Variants in DOCK1 observed in about 807,000 individuals in gnomAD.
DOCK1 encodes the protein dedicator of cytokinesis 1.
DOCK1 carries 138 observed loss-of-function variants against 262.7 expected under a neutral mutation model. That is an observed-to-expected ratio of 0.53 (90% CI 0.46 to 0.61). The LOEUF (loss-of-function observed/expected upper bound fraction) is 0.61, where lower values mean the gene tolerates loss of function less well. DOCK1 is among the 20% of genes least tolerant of loss of function. The probability of loss-of-function intolerance (pLI) is 0.00; values close to 1 mark genes in which losing one functional copy is unlikely to be tolerated. For missense variants in DOCK1, 1,908 were observed against 2,370.7 expected (o/e 0.80, Z 4.05); for synonymous variants, 866 against 867.4 (o/e 1.00, Z 0.03).
chr10:127,407,868 T>C (rs2067609737), intron 40 of DOCK1, among the ~76,000 whole-genome samples: 1 of 152,102 alleles, frequency 6.6e-6, no homozygotes, highest in African/African-American at 2.4e-5. Flanking sequence ...CTTGTACCCC[T>C]GTGGCTTCTG....
chr10:127,218,416 A>T (rs912583079), intron 27 of DOCK1, among the ~76,000 whole-genome samples: 1 of 152,152 alleles, frequency 6.6e-6, no homozygotes, highest in African/African-American at 2.4e-5. Flanking sequence ...CTTCAATGAC[A>T]ATAAGTTAAT....
intron 29 of DOCK1, among the ~76,000 whole-genome samples, chr10:127,323,966 G>C (rs1166396310): frequency 1.3e-4 from 20 of 152,256 alleles, no homozygotes; most frequent in Admixed American, 1.3e-3. Flanking sequence ...ATCCTCCTGG[G>C]AGAGCAGGCA....
At chr10:127,137,915 C>T (rs1375587188) in intron 27 of DOCK1, 5 of 1,614,040 alleles carry the variant, frequency 3.1e-6, no homozygotes, top group Non-Finnish European at 4.2e-6. Flanking sequence ...AGGAGTAAGT[C>T]TCCTGAGAGT....
intron 29 of DOCK1, among the ~76,000 whole-genome samples, chr10:127,315,634 G>A (rs60383612): frequency 0.027 from 4,127 of 152,232 alleles, 185 homozygotes; most frequent in African/African-American, 0.095. Flanking sequence ...CTAATACGGA[G>A]TCCTATTACC....
At chr10:126,954,262 G>A (rs1291253259) in intron 1 of DOCK1, among the ~76,000 whole-genome samples, 1 of 152,260 alleles carries the variant, frequency 6.6e-6, no homozygotes, top group African/African-American at 2.4e-5. Flanking sequence ...TGCCCTTGCA[G>A]ATGAGGCAGC....
intron 40 of DOCK1, among the ~76,000 whole-genome samples, 194 bp downstream of exon 40, chr10:127,404,623 A>G (rs1454881894): frequency 6.6e-6 from 1 of 152,180 alleles, no homozygotes; most frequent in African/African-American, 2.4e-5. Flanking sequence ...TAACCTTTCT[A>G]TCTGATTTTT....
chr10:127,098,490 C>T (rs1005553905), intron 23 of DOCK1, among the ~76,000 whole-genome samples: 2 of 152,148 alleles, frequency 1.3e-5, no homozygotes, highest in Non-Finnish European at 2.9e-5. Context: ...AGCAATGAGT[C>T]GAGCTTATCA....
At chr10:127,396,564 A>G (rs1238388410) in intron 38 of DOCK1, among the ~76,000 whole-genome samples, 1 of 151,732 alleles carries the variant, frequency 6.6e-6, no homozygotes. Flanking sequence ...TCTGGAGTCC[A>G]CTCCCTCACC....
At chr10:127,311,768 C>T (rs1227939284) in intron 29 of DOCK1, among the ~76,000 whole-genome samples, 3 of 152,198 alleles carry the variant, frequency 2.0e-5, no homozygotes, top group Non-Finnish European at 4.4e-5. Flanking sequence ...CCCCTCTTGC[C>T]TCATCCTCAG....
At chr10:126,975,423 C>T (rs978958757) in intron 2 of DOCK1, among the ~76,000 whole-genome samples, 1 of 152,124 alleles carries the variant, frequency 6.6e-6, no homozygotes, top group Non-Finnish European at 1.5e-5. Context: ...CCTGCTTCTC[C>T]CAGGCTGGTT....
At chr10:127,388,710 A>T (rs1196724158) in intron 38 of DOCK1, among the ~76,000 whole-genome samples, 3 of 152,178 alleles carry the variant, frequency 2.0e-5, no homozygotes, top group Non-Finnish European at 4.4e-5. Context: ...GACAGCAAAG[A>T]GTCCCCCGCC....
At chr10:127,326,210 G>T (rs1051798939) in intron 29 of DOCK1, among the ~76,000 whole-genome samples, 4 of 152,156 alleles carry the variant, frequency 2.6e-5, no homozygotes, top group African/African-American at 9.7e-5. Context: ...AGTGAAATTT[G>T]CCACATCATT....
At chr10:126,922,046 T>C (rs1351965901) in intron 1 of DOCK1, among the ~76,000 whole-genome samples, 2 of 151,664 alleles carry the variant, frequency 1.3e-5, no homozygotes, top group Non-Finnish European at 2.9e-5. Context: ...ACCCCATCTC[T>C]ACAGAAAATT....
At chr10:127,062,409 T>C (rs2045594497) in intron 23 of DOCK1, among the ~76,000 whole-genome samples, 1 of 152,226 alleles carries the variant, frequency 6.6e-6, no homozygotes, top group East Asian at 1.9e-4. Flanking sequence ...CAGAATCCTT[T>C]CTACTTGCTT....
intron 1 of DOCK1, among the ~76,000 whole-genome samples, chr10:126,933,053 C>T (rs2134193200): frequency 6.6e-6 from 1 of 152,004 alleles, no homozygotes; most frequent in African/African-American, 2.4e-5. Context: ...CTTTGGATGT[C>T]TGGACAAGCA....
intron 29 of DOCK1, among the ~76,000 whole-genome samples, chr10:127,333,212 C>A (rs1442377620): frequency 2.0e-5 from 3 of 152,174 alleles, no homozygotes; most frequent in Non-Finnish European, 4.4e-5. Context: ...AGTGTACAAG[C>A]TAATTATGTA....
intron 11 of DOCK1, 44 bp downstream of exon 11, chr10:127,008,848 A>G (rs2041219079): frequency 6.9e-7 from 1 of 1,447,216 alleles, no homozygotes; most frequent in Admixed American, 2.0e-5. Flanking sequence ...TATAATGTGG[A>G]AAACATAGGC....
chr10:127,047,898 T>C (rs768412736), intron 21 of DOCK1, among the ~76,000 whole-genome samples: 1 of 152,262 alleles, frequency 6.6e-6, no homozygotes, highest in Admixed American at 6.5e-5. Context: ...TTTCATGATT[T>C]GTTTAGCCAT....
intron 2 of DOCK1, among the ~76,000 whole-genome samples, chr10:126,976,721 G>A (rs1190175905): frequency 6.6e-6 from 1 of 151,662 alleles, no homozygotes; most frequent in South Asian, 2.1e-4. Context: ...ATGGGGCAGA[G>A]TTGGGATTTG....
Sources: allele counts gnomAD v4.1 joint callset (sites outside exome capture counted in the v4.1 genomes callset), GRCh38; gene constraint gnomAD v4.1.1; transcripts MANE v1.5; gene names NCBI Gene and HGNC (gene_info 2026-07-23, HGNC 2026-07-21).